The following GABRA4 variants were observed in gnomAD, a reference collection of about 807,000 sequenced individuals.
The protein encoded by GABRA4 is gamma-aminobutyric acid receptor subunit alpha-4.
In GABRA4, 12 loss-of-function variants were observed where a neutral mutation model predicts 49.7. That is an observed-to-expected ratio of 0.24 (90% CI 0.15 to 0.39). The LOEUF is 0.39. Among genes scored for constraint, GABRA4 ranks in the 10% least tolerant of loss-of-function variants. GABRA4 has a pLI of 1.00. For synonymous variants in GABRA4, 288 were observed against 240.2 expected (o/e 1.20, Z -1.84); for missense variants, 506 against 686.0 (o/e 0.74, Z 2.93).
chr4:46,953,465 T>C (rs921746889), intron 8 of GABRA4, among the ~76,000 whole-genome samples: 1 of 152,178 alleles, frequency 6.6e-6, no homozygotes, highest in African/African-American at 2.4e-5. Context: ...TAATTGAATA[T>C]GTTGATGCAC....
At chr4:46,957,759 C>G (rs1246341142) in intron 8 of GABRA4, among the ~76,000 whole-genome samples, 1 of 151,938 alleles carries the variant, frequency 6.6e-6, no homozygotes, top group Admixed American at 6.6e-5. Context: ...GGCTTCCTGT[C>G]TCAGCCCTGC....
chr4:46,988,836 T>C (rs1025557862), intron 2 of GABRA4, among the ~76,000 whole-genome samples: 1 of 152,168 alleles, frequency 6.6e-6, no homozygotes, highest in Non-Finnish European at 1.5e-5. Context: ...ACCAGCTGCC[T>C]GACTAAGGTT....
intron 8 of GABRA4, among the ~76,000 whole-genome samples, chr4:46,953,561 A>G (rs1257874606): frequency 6.6e-6 from 1 of 152,148 alleles, no homozygotes. Flanking sequence ...TTTTGGGAAA[A>G]CTGTGGATTA....
intron 2 of GABRA4, 43 bp downstream of exon 2, chr4:46,992,785 A>G (rs1293697983): frequency 5.2e-6 from 7 of 1,345,526 alleles, no homozygotes; most frequent in Non-Finnish European, 7.5e-6. Flanking sequence ...AGACCAAGAG[A>G]GGGACAGACA....
intron 8 of GABRA4, among the ~76,000 whole-genome samples, chr4:46,954,544 T>C (rs1487226548): frequency 1.5e-5 from 2 of 133,600 alleles, no homozygotes; most frequent in Non-Finnish European, 3.1e-5. Context: ...GCAACAATAG[T>C]GAAACGCCAT....
chr4:46,939,226 T>A (rs1721708754), intron 8 of GABRA4, among the ~76,000 whole-genome samples: 1 of 152,014 alleles, frequency 6.6e-6, no homozygotes, highest in Non-Finnish European at 1.5e-5. Context: ...TATTCTAAAT[T>A]TCCCTTCTCT....
rs1722703067 is a variant in GABRA4 at position 46,965,030 on chromosome 4, G to C, written c.1074C>G (p.Pro358=). 1 of 1,611,866 alleles carries C rather than the reference G, an allele frequency of 6.2e-7. No homozygotes were observed. Among genetic ancestry groups the C allele is most frequent in the Non-Finnish European group, 8.5e-7 (1 of 1,178,710 alleles). Residue 358 remains proline (P), a synonymous_variant, in exon 8 of 9, where the codon CCC becomes CCG. Coordinates refer to ENST00000264318, the MANE Select transcript of GABRA4 (RefSeq NM_000809.4). The part of the protein sequence containing the change: ...MEKAKRKTSK[P]PQEVPAAPVQ... Reference sequence around the variant, plus strand: ...CTGGAGCAGCGGGAACTTCCTGAGGGGGCTTTGATGTCTTCCTTTTGGCTT... The same window carrying C: ...CTGGAGCAGCGGGAACTTCCTGAGGCGGCTTTGATGTCTTCCTTTTGGCTT...
chr4:46,937,218 A>G (rs76835080), intron 8 of GABRA4, among the ~76,000 whole-genome samples: 1,670 of 152,270 alleles, frequency 0.011, 26 homozygotes, highest in African/African-American at 0.038. Context: ...GAAAACAGCT[A>G]TCTTCACATC....
rs1383314760 is a variant in GABRA4, at chr4:46,927,474, A to G, written c.*751T>C. The G allele has an allele frequency of 2.0e-5, 3 of 152,492 alleles. No homozygotes were observed. Among genetic ancestry groups the G allele is most frequent in the Admixed American group, 6.6e-5 (1 of 15,222 alleles). 9.4% of individuals were successfully genotyped at this position (152,492 alleles called of 1,614,324 possible). A position where few individuals can be genotyped will look rare whatever the true frequency, so the allele number is the denominator to read the frequency against. On this transcript the variant is annotated 3_prime_UTR_variant, in exon 9 of 9. Transcript: ENST00000264318. Reference sequence around the variant, plus strand: ...AAGGTGCAAGAGCTTTCCTAGAGAGACAGTTTCTAGCATAGTTCCTGGAAC... The same window carrying G: ...AAGGTGCAAGAGCTTTCCTAGAGAGGCAGTTTCTAGCATAGTTCCTGGAAC...
At chr4:46,959,039 A>G (rs1219241757) in intron 8 of GABRA4, among the ~76,000 whole-genome samples, 2 of 151,986 alleles carry the variant, frequency 1.3e-5, no homozygotes, top group African/African-American at 2.4e-5. Flanking sequence ...TGAAATTCAA[A>G]ACTTATAATT....
rs764267134 is a variant in GABRA4, at chr4:46,928,283, A to G, written c.1607T>C (p.Val536Ala). 2.5e-6 allele frequency: 4 copies of G among 1,613,158 alleles called. No homozygotes were observed. The change falls in exon 9 of 9, where the codon GTT becomes GCT. Residue 536 changes from valine (V) to alanine (A), a missense_variant. By Grantham distance (64) the Val-to-Ala change is moderately conservative. Coordinates refer to ENST00000264318, the MANE Select transcript of GABRA4 (RefSeq NM_000809.4). ...FPVTFGAFNMVYWVVYLSKDT... is the reference protein window; with the variant it reads ...FPVTFGAFNMAYWVVYLSKDT... ...CTTAGATAAATAAACAACCCAATAA[A>G]CCATGTTAAATGCCCCAAATGTGAC...
intron 8 of GABRA4, among the ~76,000 whole-genome samples, chr4:46,929,458 T>C (rs1222376371): frequency 3.3e-5 from 5 of 152,088 alleles, no homozygotes. Flanking sequence ...GTTGCATAAA[T>C]ATCTGAATTC....
In GABRA4 at chr4:46,919,917, G is replaced by A. The variant is rs542560820; in HGVS notation, c.*8308C>T. 10 of 151,654 alleles carry A rather than the reference G, an allele frequency of 6.6e-5. No individual in the cohort carries two copies. Among genetic ancestry groups the A allele is most frequent in the African/African-American group, 9.6e-5 (4 of 41,484 alleles). 9.4% of individuals were successfully genotyped at this position (151,654 alleles called of 1,614,324 possible). A position where few individuals can be genotyped will look rare whatever the true frequency, so the allele number is the denominator to read the frequency against. On this transcript the variant is annotated 3_prime_UTR_variant, in exon 9 of 9. Transcript: ENST00000264318. ...GGATTCTCATTCAATTTACAATGAA[G>A]CTCCCTCAAAATCATATAACCTTAC...
In GABRA4 at chr4:46,971,204, G is replaced by T; in HGVS notation, c.753C>A (p.His251Gln). Residue 251 changes from histidine (H) to glutamine (Q), a missense_variant, in exon 7 of 9, where the codon CAC becomes CAA. Around this residue, in one of 5 missense-constraint regions of GABRA4, gnomAD observed 195 missense variants for 326.0 expected, o/e 0.60. Transcript: ENST00000264318. ...GEYIVMTVYF[H>Q]LRRKMGYFMI... Reference sequence around the variant, plus strand: ...TAAAATAACCCATCTTCCGTCTGAGGTGGAAGTAAACCGTCATAACAATAT... The same window carrying T: ...TAAAATAACCCATCTTCCGTCTGAGTTGGAAGTAAACCGTCATAACAATAT... 6.2e-7 allele frequency: 1 copy of T among 1,609,614 alleles called. No homozygotes were observed. The highest frequency in any genetic ancestry group is 8.5e-7 in the Non-Finnish European group (1 of 1,177,000).
intron 2 of GABRA4, among the ~76,000 whole-genome samples, chr4:46,979,469 G>A (rs1047088937): frequency 6.6e-6 from 1 of 152,034 alleles, no homozygotes; most frequent in Admixed American, 6.6e-5. Flanking sequence ...GTTAAAAAGG[G>A]GAAGTGTGGC....
At chr4:46,987,880 T>C (rs1158159651) in intron 2 of GABRA4, among the ~76,000 whole-genome samples, 1 of 152,136 alleles carries the variant, frequency 6.6e-6, no homozygotes, top group African/African-American at 2.4e-5. Context: ...AAAACTCCAA[T>C]TGCTTCCAGG....
At chr4:46,987,622 C>T (rs150758452) in intron 2 of GABRA4, among the ~76,000 whole-genome samples, 12 of 151,964 alleles carry the variant, frequency 7.9e-5, no homozygotes, top group African/African-American at 2.7e-4. Flanking sequence ...TCAAGTCAAT[C>T]GCCAATTCTT....
At chr4:46,978,978 C>T in intron 3 of GABRA4, 53 bp downstream of exon 3, 1 of 1,165,190 alleles carries the variant, frequency 8.6e-7, no homozygotes. Flanking sequence ...GCCCTCTTTT[C>T]TACATGTTTT....
rs1444319910 is a variant in GABRA4, at chr4:46,924,513, A to C, written c.*3712T>G. 1 of 152,060 alleles carries C rather than the reference A, an allele frequency of 6.6e-6. No individual in the cohort carries two copies. The highest frequency in any genetic ancestry group is 1.5e-5 in the Non-Finnish European group (1 of 67,958). The allele number at this position is 152,060 out of a possible 1,614,324, so 9.4% of individuals were successfully genotyped here. A position where few individuals can be genotyped will look rare whatever the true frequency, so the allele number is the denominator to read the frequency against. The stretch of plus-strand genomic sequence containing the variant: ...TCTCTGTATATCTAAAAATCAGCAC[A>C]GTACCCAAACTGGGCAGGAGCCCAT... On this transcript the variant is annotated 3_prime_UTR_variant, in exon 9 of 9. Transcript: ENST00000264318.
Sources: allele counts gnomAD v4.1 joint callset (sites outside exome capture counted in the v4.1 genomes callset), GRCh38; gene constraint gnomAD v4.1.1; regional missense constraint gnomAD v4.1.1; transcripts MANE v1.5; gene names NCBI Gene and HGNC (gene_info 2026-07-23, HGNC 2026-07-21).